PLA1A: variants seen among roughly 807,000 people sequenced by gnomAD.
PLA1A encodes phosphatidylserine-specific phospholipase A1alpha.
A neutral mutation model predicts 49.4 loss-of-function variants in PLA1A; 47 were observed. That is an observed-to-expected ratio of 0.95 (90% CI 0.75 to 1.21). The LOEUF is 1.21. Among genes scored for constraint, PLA1A ranks in the 50% most tolerant of loss-of-function variants. PLA1A has a pLI of 0.00. For missense variants in PLA1A, 561 were observed against 563.9 expected (o/e 0.99, Z 0.05); for synonymous variants, 224 against 207.9 (o/e 1.08, Z -0.67).
intron 7 of PLA1A, among the ~76,000 whole-genome samples, chr3:119,618,396 A>G (rs558773021): frequency 1.4e-4 from 21 of 152,036 alleles, no homozygotes; most frequent in African/African-American, 3.9e-4. Context: ...AGTGTTCCCT[A>G]TGGCCATCCT....
intron 1 of PLA1A, among the ~76,000 whole-genome samples, chr3:119,606,032 C>A (rs2082682587): frequency 6.6e-6 from 1 of 152,198 alleles, no homozygotes; most frequent in African/African-American, 2.4e-5. Context: ...AGGGAGTGTT[C>A]AGACTAGACT....
At position 119,629,288 on chromosome 3, in the gene PLA1A, T is replaced by C. The variant is rs538327550; in HGVS notation, c.1287-96T>C. ...GCTCTTAATTGTAGGTGATTGCAGA[T>C]TTCTTTCACCAGACATCATGGGAAT... On this transcript the variant is annotated intron_variant, in intron 10 of 10. Transcript: ENST00000273371. 9 of 790,380 alleles carry C rather than the reference T, an allele frequency of 1.1e-5. No homozygotes were observed. The Admixed American group carries it at 1.4e-4, about 13-fold the overall frequency. 49.0% of individuals were successfully genotyped at this position (790,380 alleles called of 1,614,324 possible).
chr3:119,615,892 C>T, intron 5 of PLA1A, 120 bp from the exon 6 acceptor site: 9 of 667,018 alleles, frequency 1.3e-5, no homozygotes, highest in Non-Finnish European at 2.8e-6. Context: ...CCTGTGAAGT[C>T]TCACAGCACT....
At chr3:119,613,662 G>A (rs1041100940) in intron 5 of PLA1A, among the ~76,000 whole-genome samples, 1 of 152,224 alleles carries the variant, frequency 6.6e-6, no homozygotes, top group Non-Finnish European at 1.5e-5. Flanking sequence ...GGGAGGCCAA[G>A]GCAGGTGGAT....
chr3:119,623,717 C>CTTTTTTTTT (rs35309675), intron 8 of PLA1A, among the ~76,000 whole-genome samples: 4 of 101,492 alleles, frequency 3.9e-5, no homozygotes, highest in African/African-American at 1.3e-4. Context: ...TTCTCTCTTT[C>CTTTTTTTTT]TTTTTTTTTT....
At chr3:119,625,035 GA>G in intron 8 of PLA1A, 88 bp from the exon 9 acceptor site, 2 of 768,956 alleles carry the variant, frequency 2.6e-6, no homozygotes, top group South Asian at 3.2e-5. Context: ...ATAGAGCCAA[GA>G]TTCCCAACCA....
chr3:119,607,195 T>C, intron 2 of PLA1A: 1 of 562,372 alleles, frequency 1.8e-6, no homozygotes, highest in South Asian at 2.0e-5. Flanking sequence ...CAGTCTTGTC[T>C]ACACACTCAC....
intron 7 of PLA1A, 49 bp from the exon 8 acceptor site, chr3:119,619,514 C>T: frequency 7.5e-7 from 1 of 1,331,488 alleles, no homozygotes; most frequent in East Asian, 2.3e-5. Context: ...CTGTGGGACC[C>T]TAAGATAGCC....
At chr3:119,616,616 A>C (rs1311895325) in intron 6 of PLA1A, among the ~76,000 whole-genome samples, 5 of 152,252 alleles carry the variant, frequency 3.3e-5, no homozygotes, top group Non-Finnish European at 5.9e-5. Flanking sequence ...TATAGCCAAT[A>C]TATCAGAATT....
intron 6 of PLA1A, 71 bp downstream of exon 6, chr3:119,616,172 A>G (rs1283546085): frequency 2.2e-6 from 2 of 902,766 alleles, no homozygotes; most frequent in Non-Finnish European, 3.7e-6. Context: ...TTTTGTGTTG[A>G]GTCAGCCAGA....
chr3:119,618,257 A>G (rs2082880201), intron 7 of PLA1A, 71 bp downstream of exon 7: 1 of 1,287,172 alleles, frequency 7.8e-7, no homozygotes, highest in Admixed American at 2.0e-5. Flanking sequence ...GTCCCCTCTT[A>G]ATGTCCTGAT....
chr3:119,626,409 C>A (rs1224377084), intron 9 of PLA1A, among the ~76,000 whole-genome samples: 9 of 152,298 alleles, frequency 5.9e-5, no homozygotes, highest in East Asian at 3.9e-4. Context: ...AAGACAGAGT[C>A]TGACTGAGTC....
chr3:119,606,667 TG>T (rs3216711), intron 1 of PLA1A, 106 bp from the exon 2 acceptor site: 148,437 of 747,580 alleles, frequency 0.2, 18,059 homozygotes, highest in East Asian at 0.47. Flanking sequence ...ATAAACCCCA[TG>T]CCTGCAGGCC....
In PLA1A at chr3:119,617,858, T is replaced by C. The variant is rs1029310962; in HGVS notation, c.755-161T>C. On this transcript the variant is annotated intron_variant, in intron 6 of 10. Coordinates refer to ENST00000273371, the MANE Select transcript of PLA1A (RefSeq NM_015900.4). ...AAAGTAAAATGAAAAAAGTAGAATG[T>C]AGTAACCATGTACACTAATATTCTG... 2.6e-5 allele frequency among the ~76,000 whole-genome samples: 4 copies of C among 152,216 alleles called. No homozygotes were observed. The South Asian group carries it at 6.2e-4, about 24-fold the overall frequency.
intron 1 of PLA1A, among the ~76,000 whole-genome samples, chr3:119,605,147 G>A (rs1022123508): frequency 1.3e-5 from 2 of 152,200 alleles, no homozygotes; most frequent in African/African-American, 4.8e-5. Context: ...CTGATAAAAT[G>A]ATGGAGTCAG....
At chr3:119,612,642 C>G (rs1577144148) in intron 4 of PLA1A, among the ~76,000 whole-genome samples, 1 of 152,314 alleles carries the variant, frequency 6.6e-6, no homozygotes, top group East Asian at 1.9e-4. Context: ...GCGCCCGCCA[C>G]TACGCCCAGC....
intron 1 of PLA1A, 152 bp downstream of exon 1, chr3:119,598,138 T>A: frequency 3.9e-6 from 2 of 510,870 alleles, no homozygotes; most frequent in Non-Finnish European, 7.0e-6. Context: ...AAAAACCCCT[T>A]TTATCATAAT....
chr3:119,606,207 A>T (rs979240620), intron 1 of PLA1A, among the ~76,000 whole-genome samples: 8 of 152,230 alleles, frequency 5.3e-5, no homozygotes, highest in Non-Finnish European at 1.2e-4. Flanking sequence ...TGAGATCAAG[A>T]TGTTGGCAGT....
At chr3:119,611,905 T>G (rs927600406) in intron 4 of PLA1A, among the ~76,000 whole-genome samples, 10 of 152,212 alleles carry the variant, frequency 6.6e-5, no homozygotes, top group African/African-American at 2.4e-4. Flanking sequence ...CAGCCTCACT[T>G]TCTACATCTG....
Sources: gnomAD v4.1 joint callset for allele counts (sites outside exome capture counted in the v4.1 genomes callset) on GRCh38, gnomAD v4.1.1 for gene constraint, MANE v1.5 for transcripts, NCBI Gene and HGNC (gene_info 2026-07-23, HGNC 2026-07-21) for gene names.